The following RC3H2 variants were observed in gnomAD, a reference collection of about 807,000 sequenced individuals.
RC3H2 encodes the protein roquin-2.
A neutral mutation model predicts 133.3 loss-of-function variants in RC3H2; 31 were observed. The observed-to-expected ratio is 0.23, with a 90% CI of 0.17 to 0.31. The LOEUF (loss-of-function observed/expected upper bound fraction) is 0.31. RC3H2 is among the 10% of genes least tolerant of loss of function. The pLI, the probability that RC3H2 is intolerant of heterozygous loss-of-function variation, is 1.00. For missense variants in RC3H2, 1,175 were observed against 1,437.2 expected, an observed-to-expected ratio of 0.82 and a Z score of 2.95; for synonymous variants, 517 against 502.2, an observed-to-expected ratio of 1.03 and a Z score of -0.40.
In RC3H2 at chr9:122,851,396, G is replaced by A; in HGVS notation, c.3158C>T (p.Pro1053Leu). 1 of 1,614,106 alleles carries A rather than the reference G, an allele frequency of 6.2e-7. No homozygotes were observed. The highest frequency in any genetic ancestry group is 2.2e-5 in the East Asian group (1 of 44,888). ...AAGCTCTAACTCGATATCCCTATCAGGTTTAGTATCTGTTGCATCTTCTGT... is the reference window on the plus strand; with the variant it reads ...AAGCTCTAACTCGATATCCCTATCAAGTTTAGTATCTGTTGCATCTTCTGT... Reference protein sequence around the residue: ...DYTEDATDTKPDRDIELELSA... With the variant: ...DYTEDATDTKLDRDIELELSA... The change falls in exon 19 of 21, where the codon CCT (proline) becomes CTT (leucine). Residue 1053 changes from proline (P) to leucine (L), a missense_variant. By Grantham distance (98) the Pro-to-Leu change is moderately conservative. Coordinates refer to ENST00000357244, the MANE Select transcript of RC3H2 (RefSeq NM_001100588.3).
At chr9:122,860,900 C>T (rs566471362) in intron 10 of RC3H2, among the ~76,000 whole-genome samples, 2 of 152,158 alleles carry the variant, frequency 1.3e-5, no homozygotes, top group South Asian at 4.1e-4. Flanking sequence ...AATATGAACT[C>T]CTTGAGGAAA....
chr9:122,859,715 G>A (rs1212076583), intron 11 of RC3H2, among the ~76,000 whole-genome samples: 1 of 151,978 alleles, frequency 6.6e-6, no homozygotes, highest in African/African-American at 2.4e-5. Context: ...GTTCATTCCT[G>A]ACCCTATTAT....
chr9:122,897,279 C>T lies in RC3H2; in HGVS notation c.231G>A (p.Gln77=), dbSNP rs925438604. 1 of 1,613,784 alleles carries T rather than the reference C, an allele frequency of 6.2e-7. No homozygotes were observed. Among genetic ancestry groups the T allele is most frequent in the African/African-American group, 1.3e-5 (1 of 75,012 alleles). The part of the protein sequence containing the change: ...NFALLQLVGA[Q]VPDHQSIKLS... ...CTATAGTAAAATCTTGAATGCTTACCTGGGCTCCAACTAACTGGAGAAGTG... is the reference window on the plus strand; with the variant it reads ...CTATAGTAAAATCTTGAATGCTTACTTGGGCTCCAACTAACTGGAGAAGTG... Residue 77 remains glutamine, a splice_region_variant and synonymous_variant, in exon 2 of 21, where the codon CAG becomes CAA. Transcript: ENST00000357244.
In RC3H2 at chr9:122,883,426, T is replaced by A. The variant is rs999975626; in HGVS notation, c.584-47A>T. On this transcript the variant is annotated intron_variant, in intron 4 of 20. Coordinates refer to ENST00000357244, the MANE Select transcript of RC3H2 (RefSeq NM_001100588.3). ...GAGTTCATGACAAATGAGGAACCCA[T>A]CAGATCATGTGTGTCATAGGCATCT... is the stretch of plus-strand genomic sequence containing the variant. 42 of 1,477,098 alleles carry A rather than the reference T, an allele frequency of 2.8e-5. No homozygotes were observed. In the African/African-American group the frequency reaches 5.0e-4, roughly 18 times the overall value. The allele number at this position is 1,477,098 out of a possible 1,614,324, so 91.5% of individuals were successfully genotyped here.
chr9:122,900,216 A>G (rs1252911486), intron 1 of RC3H2, among the ~76,000 whole-genome samples: 1 of 152,188 alleles, frequency 6.6e-6, no homozygotes, highest in Non-Finnish European at 1.5e-5. Context: ...CACAAATTGA[A>G]TTAATACCTT....
At chr9:122,888,132 CTGTT>C (rs1304973272) in intron 4 of RC3H2, among the ~76,000 whole-genome samples, 2 of 151,998 alleles carry the variant, frequency 1.3e-5, no homozygotes, top group South Asian at 2.1e-4. Flanking sequence ...AACTGTGTGT[CTGTT>C]TAAGTTTCTA....
intron 5 of RC3H2, among the ~76,000 whole-genome samples, chr9:122,881,223 A>C (rs144495757): frequency 9.2e-5 from 14 of 152,312 alleles, no homozygotes; most frequent in African/African-American, 1.9e-4. Flanking sequence ...ATGGTGGCTC[A>C]TGCCTGTAAT....
chr9:122,880,462 G>C lies in RC3H2; in HGVS notation c.960+132C>G, dbSNP rs551839698. Reference sequence around the variant, plus strand: ...AGTAGAAAAATAAAAAGAAAATAAGGATAATTTATAAGAGTCTGACATTTA... The same window carrying C: ...AGTAGAAAAATAAAAAGAAAATAAGCATAATTTATAAGAGTCTGACATTTA... On this transcript the variant is annotated intron_variant, in intron 6 of 20. Coordinates refer to ENST00000357244, the MANE Select transcript of RC3H2 (RefSeq NM_001100588.3). 54 of 764,876 alleles carry C rather than the reference G, an allele frequency of 7.1e-5. No individual in the cohort carries two copies. The African/African-American group carries it at 9.5e-4, about 13-fold the overall frequency. 47.4% of individuals were successfully genotyped at this position (764,876 alleles called of 1,614,324 possible).
At chr9:122,850,011 C>T (rs1203140226) in intron 20 of RC3H2, among the ~76,000 whole-genome samples, 189 bp from the exon 21 acceptor site, 1 of 152,186 alleles carries the variant, frequency 6.6e-6, no homozygotes, top group Non-Finnish European at 1.5e-5. Context: ...GAGTCTCCCT[C>T]CGTCGCCCAG....
Position 122,859,967 on chromosome 9 carries a change from T to C in RC3H2, c.1799A>G (p.Gln600Arg), listed in dbSNP as rs1290089124. ...AAAGGGTATCTGAGTCCTTGGATCT[T>C]GAAAATACTGAATGTTTTCAGAATG... is the stretch of plus-strand genomic sequence containing the variant. ...PPHSENIQYF[Q>R]DPRTQIPFEV... Residue 600 changes from glutamine to arginine, a missense_variant, in exon 11 of 21, where the codon CAA (glutamine) becomes CGA (arginine). By Grantham distance (43) the Gln-to-Arg change is conservative (BLOSUM62 1). Transcript: ENST00000357244. 3.1e-6 allele frequency: 5 copies of C among 1,614,070 alleles called. No homozygotes were observed. The highest frequency in any genetic ancestry group is 4.2e-6 in the Non-Finnish European group (5 of 1,180,026).
intron 4 of RC3H2, among the ~76,000 whole-genome samples, chr9:122,884,352 A>G (rs1831801032): frequency 6.6e-6 from 1 of 152,326 alleles, no homozygotes; most frequent in East Asian, 1.9e-4. Flanking sequence ...GACCCACAGT[A>G]GGCTTATAAT....
rs556850573 is a variant in RC3H2 at position 122,893,137 on chromosome 9, A to G, written c.232-111T>C. 112 of 1,341,054 alleles carry G rather than the reference A, an allele frequency of 8.4e-5. No homozygotes were observed. In the African/African-American group the frequency reaches 1.5e-3, roughly 18 times the overall value. 83.1% of individuals were successfully genotyped at this position (1,341,054 alleles called of 1,614,324 possible). A position where few individuals can be genotyped will look rare whatever the true frequency, so the allele number is the denominator to read the frequency against. ...GTGAGTATAAAATTATCATGCATAG[A>G]TAATACATGAAAGCCATTTAAGTAA... On this transcript the variant is annotated intron_variant, in intron 2 of 20. Coordinates refer to ENST00000357244, the MANE Select transcript of RC3H2 (RefSeq NM_001100588.3).
intron 4 of RC3H2, chr9:122,890,097 C>A: frequency 1.6e-6 from 1 of 607,082 alleles, no homozygotes; most frequent in East Asian, 2.7e-5. Context: ...GCCAAGACTG[C>A]GCCACTGCAC....
chr9:122,879,725 A>T, intron 8 of RC3H2, 30 bp downstream of exon 8: 5 of 1,410,750 alleles, frequency 3.5e-6, no homozygotes, highest in Non-Finnish European at 4.9e-6. Flanking sequence ...TAGAGACAAC[A>T]GCAGTCAGAA....
intron 9 of RC3H2, among the ~76,000 whole-genome samples, chr9:122,866,507 T>C (rs1013766043): frequency 6.7e-6 from 1 of 149,232 alleles, no homozygotes; most frequent in Non-Finnish European, 1.5e-5. Context: ...CCTCCCTGCC[T>C]GATTCTCCTG....
chr9:122,904,152 C>T (rs1201840208), intron 1 of RC3H2, among the ~76,000 whole-genome samples: 1 of 152,058 alleles, frequency 6.6e-6, no homozygotes, highest in South Asian at 2.1e-4. Context: ...ACAAACTCAC[C>T]CACCCACAAT....
At chr9:122,852,767 AG>A (rs1463318182) in intron 18 of RC3H2, among the ~76,000 whole-genome samples, 9 of 150,868 alleles carry the variant, frequency 6.0e-5, no homozygotes, top group Non-Finnish European at 1.2e-4. Flanking sequence ...TGGGGGGGTC[AG>A]CCCCCCGCCT....
intron 9 of RC3H2, among the ~76,000 whole-genome samples, chr9:122,866,615 T>G (rs1036089346): frequency 3.9e-5 from 6 of 152,124 alleles, no homozygotes; most frequent in East Asian, 3.9e-4. Context: ...CTGTGTTGGC[T>G]GGGCTGGTCT....
intron 9 of RC3H2, among the ~76,000 whole-genome samples, chr9:122,875,706 A>C (rs1386509775): frequency 1.3e-5 from 2 of 152,246 alleles, no homozygotes; most frequent in Admixed American, 6.5e-5. Context: ...GAAAGGTCTC[A>C]AAGGCAAGGC....
Sources: gnomAD v4.1 joint callset for allele counts (sites outside exome capture counted in the v4.1 genomes callset) on GRCh38, gnomAD v4.1.1 for gene constraint, MANE v1.5 for transcripts, NCBI Gene and HGNC (gene_info 2026-07-23, HGNC 2026-07-21) for gene names.